DNAAF9: variants seen among roughly 807,000 people sequenced by gnomAD.
DNAAF9 encodes dynein axonemal assembly factor 9.
DNAAF9 carries 90 observed loss-of-function variants against 167.0 expected under a neutral mutation model. That is an observed-to-expected ratio of 0.54 (90% CI 0.45 to 0.64). The LOEUF is 0.64. DNAAF9 is among the 30% of genes least tolerant of loss of function. The pLI is 0.00. For synonymous variants in DNAAF9, 491 were observed against 508.8 expected, an observed-to-expected ratio of 0.96 and a Z score of 0.47; for missense variants, 1,315 against 1,442.2, an observed-to-expected ratio of 0.91 and a Z score of 1.43.
intron 1 of DNAAF9, among the ~76,000 whole-genome samples, chr20:3,396,163 T>C (rs1270969491): frequency 6.6e-6 from 1 of 152,230 alleles, no homozygotes; most frequent in African/African-American, 2.4e-5. Flanking sequence ...CTTTTGTAAA[T>C]TGCCCAGTCT....
At chr20:3,386,280 A>G (rs1306613849) in intron 1 of DNAAF9, among the ~76,000 whole-genome samples, 1 of 152,246 alleles carries the variant, frequency 6.6e-6, no homozygotes, top group Non-Finnish European at 1.5e-5. Flanking sequence ...GCTAAGGGAC[A>G]GACACATAAG....
In DNAAF9 at chr20:3,294,156, T is replaced by A. The variant is rs1334856702; in HGVS notation, c.2221A>T (p.Arg741Ter). 1 of 1,592,516 alleles carries A rather than the reference T, an allele frequency of 6.3e-7. No homozygotes were observed. The highest frequency in any genetic ancestry group is 2.2e-5 in the East Asian group (1 of 44,802). ...LQQAEINTTH[R>*]IESDKVIISI... The stretch of plus-strand genomic sequence containing the variant: ...TCCTCTACCTTGTCACTTTCTATTC[T>A]GTGAGTAGTGTTGATTTCAGCTTGC... The change falls in exon 25 of 37, where the codon AGA (arginine) becomes TGA (stop). Residue 741 changes from arginine (R) to a stop codon, truncating the protein, a stop_gained. Coordinates refer to ENST00000252032, the MANE Select transcript of DNAAF9 (RefSeq NM_001009984.3). LOFTEE classifies it high-confidence loss of function.
rs764204333 is a variant in DNAAF9 at position 3,318,406 on chromosome 20, T to C, written c.1357-6A>G. 21 of 1,473,594 alleles carry C rather than the reference T, an allele frequency of 1.4e-5. No homozygotes were observed. Among genetic ancestry groups the C allele is most frequent in the African/African-American group, 5.5e-5 (4 of 72,180 alleles). The allele number at this position is 1,473,594 out of a possible 1,614,324, so 91.3% of individuals were successfully genotyped here. A position where few individuals can be genotyped will look rare whatever the true frequency, so the allele number is the denominator to read the frequency against. On this transcript the variant is annotated splice_polypyrimidine_tract_variant and splice_region_variant and intron_variant, in intron 16 of 36. Transcript: ENST00000252032. ...TCATAGACGGCCATACAAGCCTGCA[T>C]TGAATGAGAAACCAGTTAGATCAGT...
At chr20:3,383,398 A>C (rs1003792290) in intron 1 of DNAAF9, among the ~76,000 whole-genome samples, 9 of 150,432 alleles carry the variant, frequency 6.0e-5, no homozygotes, top group African/African-American at 2.2e-4. Context: ...CCTCCCGAAT[A>C]GCTGGGATTA....
In DNAAF9 at chr20:3,271,735, C is replaced by T. The variant is rs369367596; in HGVS notation, c.2651-1173G>A. On this transcript the variant is annotated intron_variant, in intron 29 of 36. Transcript: ENST00000252032. ...CTCCCATGTTCAAGTAATTCTCCTG[C>T]CTCAGCCTCCTAAGTAGCTGGGATT... Among the ~76,000 whole-genome samples, 19 of 151,954 alleles carry T rather than the reference C, an allele frequency of 1.3e-4. No homozygotes were observed. The East Asian group carries it at 3.5e-3, about 28-fold the overall frequency.
intron 30 of DNAAF9, among the ~76,000 whole-genome samples, chr20:3,268,935 T>C (rs1244690649): frequency 7.6e-6 from 1 of 131,708 alleles, no homozygotes; most frequent in African/African-American, 2.9e-5. Flanking sequence ...ACAGAGGCTC[T>C]GTTGCCCAGG....
At chr20:3,306,709 C>T (rs886622234) in intron 20 of DNAAF9, among the ~76,000 whole-genome samples, 1 of 152,082 alleles carries the variant, frequency 6.6e-6, no homozygotes, top group African/African-American at 2.4e-5. Context: ...TGTGGTGAAT[C>T]TGTAGATGTG....
intron 18 of DNAAF9, among the ~76,000 whole-genome samples, chr20:3,316,255 C>A (rs1232367030): frequency 1.3e-5 from 2 of 152,184 alleles, no homozygotes; most frequent in African/African-American, 4.8e-5. Flanking sequence ...ACACCTTTTA[C>A]ATTCCAAGGC....
intron 11 of DNAAF9, among the ~76,000 whole-genome samples, chr20:3,331,186 A>G (rs1307305036): frequency 6.6e-6 from 1 of 152,020 alleles, no homozygotes; most frequent in Admixed American, 6.6e-5. Context: ...CGCATTTTCC[A>G]CTTTTACAAC....
At chr20:3,381,271 G>T (rs972479785) in intron 3 of DNAAF9, 108 bp downstream of exon 3, 35 of 909,528 alleles carry the variant, frequency 3.8e-5, no homozygotes, top group Non-Finnish European at 4.9e-5. Context: ...GTTTACTGGG[G>T]CTTTGGACTA....
intron 1 of DNAAF9, among the ~76,000 whole-genome samples, chr20:3,405,937 T>C (rs1265265034): frequency 1.3e-5 from 2 of 152,208 alleles, no homozygotes; most frequent in Non-Finnish European, 2.9e-5. Flanking sequence ...CTGGCAGAAA[T>C]GTTGCAAAGG....
chr20:3,255,958 G>T, intron 34 of DNAAF9, 48 bp downstream of exon 34: 1 of 1,433,908 alleles, frequency 7.0e-7, no homozygotes, highest in Non-Finnish European at 9.8e-7. Flanking sequence ...GCAGCTCTGA[G>T]GTGTCTGGTC....
At chr20:3,379,809 T>A (rs533557245) in intron 3 of DNAAF9, among the ~76,000 whole-genome samples, 1 of 152,088 alleles carries the variant, frequency 6.6e-6, no homozygotes, top group South Asian at 2.1e-4. Flanking sequence ...AGCTGTAATC[T>A]CAGCACTTTG....
At chr20:3,276,750 G>A (rs2068681579) in intron 29 of DNAAF9, among the ~76,000 whole-genome samples, 3 of 152,190 alleles carry the variant, frequency 2.0e-5, no homozygotes, top group Admixed American at 6.5e-5. Flanking sequence ...GGTGGACAAG[G>A]GGCTCTGAAA....
chr20:3,356,794 A>G (rs1375491295), intron 7 of DNAAF9, among the ~76,000 whole-genome samples: 1 of 152,158 alleles, frequency 6.6e-6, no homozygotes, highest in African/African-American at 2.4e-5. Flanking sequence ...AGAACACCGA[A>G]GGCCTCTGGT....
rs147334042 is a variant in DNAAF9 at position 3,355,571 on chromosome 20, C to CAA, written c.690+3943_690+3944dup. Among the ~76,000 whole-genome samples, 585 of 135,586 alleles carry CAA rather than the reference C, an allele frequency of 4.3e-3. 3 individuals are homozygous for CAA. Among genetic ancestry groups the CAA allele is most frequent in the African/African-American group, 0.014 (533 of 36,816 alleles). The allele number at this position is 135,586 out of a possible 152,430, so 88.9% of individuals were successfully genotyped here. A position where few individuals can be genotyped will look rare whatever the true frequency, so the allele number is the denominator to read the frequency against. On this transcript the variant is annotated intron_variant, in intron 7 of 36. Transcript: ENST00000252032. The stretch of plus-strand genomic sequence containing the variant: ...CCTGGGTGACAGTGAGACTGTGTTT[C>CAA]AAAAAAAAAAAAAGAAATTTTTAAA...
chr20:3,315,228 T>C lies in DNAAF9; in HGVS notation c.1591-108A>G. 1.3e-6 allele frequency: 1 copy of C among 742,910 alleles called. No homozygotes were observed. Among genetic ancestry groups the C allele is most frequent in the Admixed American group, 2.0e-5 (1 of 50,208 alleles). 46.0% of individuals were successfully genotyped at this position (742,910 alleles called of 1,614,324 possible). ...CCCAATTATGTCCGTCTACAAAAGC[T>C]GAGTCAGGCTCAGATATGCCCAATG... On this transcript the variant is annotated intron_variant, in intron 19 of 36. Transcript: ENST00000252032. This position sits in a 1 kb window ranked among gnomAD's most constrained non-coding sequence, Gnocchi z 4.1.
intron 29 of DNAAF9, among the ~76,000 whole-genome samples, chr20:3,276,457 T>C (rs1200146503): frequency 1.3e-5 from 2 of 152,204 alleles, no homozygotes; most frequent in East Asian, 1.9e-4. Context: ...ACACACATTG[T>C]CTTTGCACAA....
intron 1 of DNAAF9, among the ~76,000 whole-genome samples, chr20:3,402,278 T>A (rs2083998179): frequency 6.6e-6 from 1 of 152,146 alleles, no homozygotes; most frequent in South Asian, 2.1e-4. Context: ...AATTGACAGA[T>A]ATATATATGT....
Sources: allele counts gnomAD v4.1 joint callset (sites outside exome capture counted in the v4.1 genomes callset), GRCh38; gene constraint gnomAD v4.1.1; non-coding constraint Gnocchi (gnomAD v3.1); transcripts MANE v1.5; gene names NCBI Gene and HGNC (gene_info 2026-07-23, HGNC 2026-07-21).